Variants in NRIP3 observed in about 807,000 individuals in gnomAD.
NRIP3 encodes the protein nuclear receptor interacting protein 3.
NRIP3 carries 31 observed loss-of-function variants against 29.0 expected under a neutral mutation model. The ratio of observed to expected loss-of-function variants is 1.07; its 90% CI spans 0.80 to 1.44. The LOEUF (loss-of-function observed/expected upper bound fraction) is 1.44, where lower values mean the gene tolerates loss of function less well. Among genes scored for constraint, NRIP3 ranks in the 40% most tolerant of loss-of-function variants. NRIP3 has a pLI of 0.00. For missense variants in NRIP3, 314 were observed against 297.9 expected, an observed-to-expected ratio of 1.05 and a Z score of -0.40; for synonymous variants, 131 against 118.3, an observed-to-expected ratio of 1.11 and a Z score of -0.70.
intron 1 of NRIP3, among the ~76,000 whole-genome samples, chr11:8,994,489 A>T (rs1406115951): frequency 6.6e-6 from 1 of 152,234 alleles, no homozygotes; most frequent in Non-Finnish European, 1.5e-5. Flanking sequence ...CACACAATGT[A>T]ACTTAGGCAG....
intron 1 of NRIP3, among the ~76,000 whole-genome samples, chr11:9,002,596 T>TAAAAAAAAAAAAAA (rs10701323): frequency 9.9e-6 from 1 of 101,244 alleles, no homozygotes. Context: ...GCTGTTAAAT[T>TAAAAAAAAAAAAAA]AAAAAAAAAA....
intron 1 of NRIP3, among the ~76,000 whole-genome samples, chr11:8,995,034 C>T (rs927112784): frequency 1.2e-4 from 18 of 152,036 alleles, no homozygotes; most frequent in Non-Finnish European, 1.9e-4. Flanking sequence ...ATCAAACTTG[C>T]GCATTCTCCC....
intron 1 of NRIP3, among the ~76,000 whole-genome samples, chr11:8,990,094 T>A (rs940234951): frequency 1.5e-4 from 23 of 152,240 alleles, no homozygotes; most frequent in Non-Finnish European, 1.5e-5. Context: ...TGTATTTTCC[T>A]CTTTCTACTG....
At chr11:8,986,844 C>A (rs763642758) in intron 3 of NRIP3, among the ~76,000 whole-genome samples, 49 of 152,148 alleles carry the variant, frequency 3.2e-4, no homozygotes, top group Non-Finnish European at 5.4e-4. Flanking sequence ...CATGGCAAAA[C>A]CCCCTCTCTA....
chr11:8,990,635 T>C (rs1033909838), intron 1 of NRIP3, among the ~76,000 whole-genome samples: 6 of 151,136 alleles, frequency 4.0e-5, no homozygotes, highest in Admixed American at 6.6e-5. Context: ...AAAGAAAAAA[T>C]ACAAAAATTG....
upstream of NRIP3, chr11:9,004,005 G>T (rs1237928088): frequency 5.9e-6 from 8 of 1,359,496 alleles, no homozygotes; most frequent in African/African-American, 1.5e-5. Flanking sequence ...CTCCAGCGCC[G>T]CAAGGGCCCC....
In NRIP3 at chr11:8,987,650, T is replaced by G; in HGVS notation, c.340-20A>C. On this transcript the variant is annotated intron_variant, in intron 2 of 6. Transcript: ENST00000309166. ...AGCACACTGTGGGGAGGAAATGTAC[T>G]GTTCAATAAGAGCCAGAGAAGCGAA... The G allele has an allele frequency of 6.3e-7, 1 of 1,593,848 alleles. No individual in the cohort carries two copies. The highest frequency in any genetic ancestry group is 8.6e-7 in the Non-Finnish European group (1 of 1,161,716).
chr11:9,003,616 G>A lies in NRIP3; in HGVS notation c.174+146C>T, dbSNP rs1854850837. On this transcript the variant is annotated intron_variant, in intron 1 of 6. Transcript: ENST00000309166. ...CGAAACCGCAGCAGGGGTACTGGAAGGGGAGGAATCCGCGACGCAGCGACC... is the reference window on the plus strand; with the variant it reads ...CGAAACCGCAGCAGGGGTACTGGAAAGGGAGGAATCCGCGACGCAGCGACC... 6.7e-6 allele frequency: 5 copies of A among 750,942 alleles called. No homozygotes were observed. In the East Asian group the frequency reaches 1.0e-4, roughly 15 times the overall value. 46.5% of individuals were successfully genotyped at this position (750,942 alleles called of 1,614,324 possible).
At chr11:8,991,097 G>A (rs990419383) in intron 1 of NRIP3, among the ~76,000 whole-genome samples, 1 of 152,034 alleles carries the variant, frequency 6.6e-6, no homozygotes, top group Admixed American at 6.6e-5. Context: ...GTCAGGAGAT[G>A]GAGACCATTC....
Position 9,003,808 on chromosome 11 carries a change from A to T in NRIP3, c.128T>A (p.Leu43Gln). The T allele has an allele frequency of 6.6e-7, 1 of 1,508,774 alleles. No homozygotes were observed. Among genetic ancestry groups the T allele is most frequent in the Non-Finnish European group, 8.9e-7 (1 of 1,127,362 alleles). The allele number at this position is 1,508,774 out of a possible 1,614,324, so 93.5% of individuals were successfully genotyped here. A position where few individuals can be genotyped will look rare whatever the true frequency, so the allele number is the denominator to read the frequency against. Reference protein sequence around the residue: ...VQFIHKDSADLLPLDGLKKLG... With the variant: ...VQFIHKDSADQLPLDGLKKLG... Reference sequence around the variant, plus strand: ...CTTCTTGAGGCCGTCCAGGGGCAGCAGGTCGGCGGAGTCCTTGTGGATGAA... The same window carrying T: ...CTTCTTGAGGCCGTCCAGGGGCAGCTGGTCGGCGGAGTCCTTGTGGATGAA... Residue 43 changes from leucine to glutamine, a missense_variant, in exon 1 of 7, where the codon CTG (leucine) becomes CAG (glutamine). Physicochemically the swap from Leu to Gln is moderately radical, Grantham distance 113. Transcript: ENST00000309166.
intron 5 of NRIP3, 22 bp from the exon 6 acceptor site, chr11:8,983,991 G>A: frequency 6.2e-7 from 1 of 1,609,872 alleles, no homozygotes; most frequent in Non-Finnish European, 8.5e-7. Flanking sequence ...TAACTTGTCA[G>A]TGATACCACT....
intron 1 of NRIP3, among the ~76,000 whole-genome samples, chr11:8,994,301 C>T (rs1854663135): frequency 6.6e-6 from 1 of 152,174 alleles, no homozygotes; most frequent in Non-Finnish European, 1.5e-5. Context: ...CAGTTTTTTG[C>T]CCATATCTTC....
In NRIP3 at chr11:8,988,749, C is replaced by G. The variant is rs374753737; in HGVS notation, c.175-467G>C. On this transcript the variant is annotated intron_variant, in intron 1 of 6. Coordinates refer to ENST00000309166, the MANE Select transcript of NRIP3 (RefSeq NM_020645.3). The stretch of plus-strand genomic sequence containing the variant: ...AAGAAACTTAGCTAACACAGGTATT[C>G]AGAAGCTCTGCCTACTTCTGTGTCA... Among the ~76,000 whole-genome samples, 13 of 152,366 alleles carry G rather than the reference C, an allele frequency of 8.5e-5. No individual in the cohort carries two copies. In the South Asian group the frequency reaches 2.3e-3, roughly 27 times the overall value.
chr11:8,996,726 A>G (rs936695259), intron 1 of NRIP3, among the ~76,000 whole-genome samples: 1 of 152,206 alleles, frequency 6.6e-6, no homozygotes, highest in African/African-American at 2.4e-5. Context: ...GTTTATTGAC[A>G]TATTGGCTTT....
At chr11:8,986,789 C>T (rs1215693276) in intron 3 of NRIP3, among the ~76,000 whole-genome samples, 6 of 152,122 alleles carry the variant, frequency 3.9e-5, no homozygotes, top group Non-Finnish European at 7.3e-5. Flanking sequence ...GAGGCTGAAG[C>T]GGGCAGATTG....
chr11:8,999,567 A>T (rs1454339886), intron 1 of NRIP3, among the ~76,000 whole-genome samples: 1 of 152,088 alleles, frequency 6.6e-6, no homozygotes, highest in Non-Finnish European at 1.5e-5. Context: ...AGTGGAAAAT[A>T]AAAAAAATAA....
chr11:9,002,596 T>TAAAAAAAAAA (rs10701323), intron 1 of NRIP3, among the ~76,000 whole-genome samples: 3 of 101,232 alleles, frequency 3.0e-5, no homozygotes, highest in East Asian at 3.1e-4. Context: ...GCTGTTAAAT[T>TAAAAAAAAAA]AAAAAAAAAA....
At position 8,984,046 on chromosome 11, in the gene NRIP3, CA is replaced by C. The variant is rs1334000255; in HGVS notation, c.615+25del. The C allele has an allele frequency of 1.9e-6, 3 of 1,608,902 alleles. No individual in the cohort carries two copies. The African/African-American group carries it at 4.0e-5, about 22-fold the overall frequency. ...GATACCTGCCTCAGAGAGGAAGTAT[CA>C]AGGGGTAAGTGGAGTCAATCTTACC... On this transcript the variant is annotated intron_variant, in intron 5 of 6. Coordinates refer to ENST00000309166, the MANE Select transcript of NRIP3 (RefSeq NM_020645.3).
chr11:8,988,505 T>C (rs1368828976), intron 1 of NRIP3, among the ~76,000 whole-genome samples: 2 of 152,130 alleles, frequency 1.3e-5, no homozygotes, highest in Non-Finnish European at 2.9e-5. Context: ...ATGCAAGATA[T>C]GACACTGGGA....
Sources: allele counts gnomAD v4.1 joint callset (sites outside exome capture counted in the v4.1 genomes callset), GRCh38; gene constraint gnomAD v4.1.1; transcripts MANE v1.5; gene names NCBI Gene and HGNC (gene_info 2026-07-23, HGNC 2026-07-21).